WDR70: variants seen among roughly 807,000 people sequenced by gnomAD.
The protein encoded by WDR70 is WD repeat-containing protein 70.
Under a neutral mutation model 88.6 loss-of-function variants are expected in WDR70, and 53 were observed. The ratio of observed to expected loss-of-function variants is 0.60; its 90% CI spans 0.48 to 0.75. The LOEUF (loss-of-function observed/expected upper bound fraction) is 0.75, where lower values mean the gene tolerates loss of function less well. Among genes scored for constraint, WDR70 ranks in the 30% least tolerant of loss-of-function variants. The pLI, the probability that WDR70 is intolerant of heterozygous loss-of-function variation, is 0.00. For missense variants in WDR70, 610 were observed against 823.2 expected (o/e 0.74, Z 3.17); for synonymous variants, 280 against 270.0 (o/e 1.04, Z -0.36).
chr5:37,746,742 A>T lies in WDR70; in HGVS notation c.1878-5744A>T, dbSNP rs2973052. ...AGGAAAAAGTTGAATCCCTGAATAG[A>T]CCAATAACAAGTTCTGAAATTGAGG... On this transcript the variant is annotated intron_variant, in intron 17 of 17. Transcript: ENST00000265107. Among the ~76,000 whole-genome samples, 72 of 152,348 alleles carry T rather than the reference A, an allele frequency of 4.7e-4. No individual in the cohort carries two copies. In the East Asian group the frequency reaches 0.013, roughly 28 times the overall value.
intron 9 of WDR70, among the ~76,000 whole-genome samples, chr5:37,553,151 A>G (rs538182970): frequency 5.3e-5 from 8 of 152,312 alleles, no homozygotes; most frequent in Non-Finnish European, 8.8e-5. Context: ...TAAACTTGAT[A>G]GTTGGTGTGG....
At chr5:37,574,436 T>C (rs1263136123) in intron 9 of WDR70, among the ~76,000 whole-genome samples, 2 of 152,220 alleles carry the variant, frequency 1.3e-5, no homozygotes, top group African/African-American at 4.8e-5. Flanking sequence ...CTTACCTTAG[T>C]CATCACTTCT....
chr5:37,660,616 C>T (rs1447405492), intron 10 of WDR70, among the ~76,000 whole-genome samples: 1 of 152,084 alleles, frequency 6.6e-6, no homozygotes, highest in Non-Finnish European at 1.5e-5. Context: ...ATAGCTTCTG[C>T]AGGTTACTTT....
At chr5:37,628,277 T>A (rs992126412) in intron 10 of WDR70, among the ~76,000 whole-genome samples, 1 of 152,146 alleles carries the variant, frequency 6.6e-6, no homozygotes, top group Non-Finnish European at 1.5e-5. Context: ...ACATGACCTT[T>A]CCAGTGCTGA....
intron 5 of WDR70, among the ~76,000 whole-genome samples, chr5:37,422,470 T>A (rs951769516): frequency 2.0e-5 from 3 of 151,778 alleles, no homozygotes; most frequent in Admixed American, 2.0e-4. Flanking sequence ...TTTTTTGTTT[T>A]ATTTTATTTA....
intron 9 of WDR70, among the ~76,000 whole-genome samples, chr5:37,542,078 A>G (rs1741835807): frequency 6.6e-6 from 1 of 152,200 alleles, no homozygotes; most frequent in South Asian, 2.1e-4. Context: ...AGATGGACTT[A>G]CTGAAGAATA....
intron 9 of WDR70, among the ~76,000 whole-genome samples, chr5:37,569,914 C>T (rs1238875442): frequency 2.0e-5 from 3 of 152,018 alleles, no homozygotes; most frequent in Non-Finnish European, 4.4e-5. Flanking sequence ...GTAGAAAGAC[C>T]TAAAGGCAAG....
intron 17 of WDR70, among the ~76,000 whole-genome samples, chr5:37,745,509 T>C (rs1003423507): frequency 3.3e-5 from 5 of 151,700 alleles, no homozygotes; most frequent in Admixed American, 3.3e-4. Context: ...TAAGACCCAT[T>C]GGTGTGCTGT....
intron 5 of WDR70, among the ~76,000 whole-genome samples, chr5:37,400,266 C>A (rs1363629978): frequency 1.3e-5 from 2 of 152,046 alleles, no homozygotes; most frequent in Non-Finnish European, 2.9e-5. Context: ...ATAAGTAATA[C>A]AAATATGTTA....
In WDR70 at chr5:37,689,652, G is replaced by C. The variant is rs1407597273; in HGVS notation, c.1093-8003G>C. On this transcript the variant is annotated intron_variant, in intron 10 of 17. Coordinates refer to ENST00000265107, the MANE Select transcript of WDR70 (RefSeq NM_018034.4). ...TAAAAGGAAAACTAACAAACAGAAA[G>C]GAATAGCATCAACATAAACAAAAAG... Among the ~76,000 whole-genome samples, 10 of 152,100 alleles carry C rather than the reference G, an allele frequency of 6.6e-5. No homozygotes were observed. In the East Asian group the frequency reaches 1.7e-3, roughly 26 times the overall value.
chr5:37,461,636 A>G (rs1248683386), intron 7 of WDR70, among the ~76,000 whole-genome samples: 2 of 151,870 alleles, frequency 1.3e-5, no homozygotes, highest in African/African-American at 4.8e-5. Context: ...GGTGCCCACC[A>G]CCACACCCGG....
intron 10 of WDR70, among the ~76,000 whole-genome samples, chr5:37,665,563 G>A (rs1745815616): frequency 6.6e-6 from 1 of 152,184 alleles, no homozygotes. Context: ...ACCCCCAAAA[G>A]TCTCTAAGAA....
intron 9 of WDR70, among the ~76,000 whole-genome samples, chr5:37,529,334 G>C (rs1741409929): frequency 6.6e-6 from 1 of 151,664 alleles, no homozygotes; most frequent in African/African-American, 2.4e-5. Flanking sequence ...GAATTTTGAG[G>C]TTGTTTTTTC....
At chr5:37,512,581 G>T (rs1050783748) in intron 8 of WDR70, among the ~76,000 whole-genome samples, 2 of 140,940 alleles carry the variant, frequency 1.4e-5, no homozygotes, top group Non-Finnish European at 3.1e-5. Flanking sequence ...ATTGCATCTA[G>T]AATTTTTTTT....
chr5:37,716,248 T>G (rs1443353456), intron 13 of WDR70, among the ~76,000 whole-genome samples: 3 of 152,358 alleles, frequency 2.0e-5, no homozygotes, highest in Admixed American at 6.5e-5. Flanking sequence ...GGCTGTTGGC[T>G]TTCTTTTAGC....
chr5:37,502,806 C>T (rs1460893918), intron 8 of WDR70, among the ~76,000 whole-genome samples: 3 of 151,944 alleles, frequency 2.0e-5, no homozygotes, highest in Admixed American at 6.6e-5. Context: ...GAAGCAGAAG[C>T]GAGAGAGAGA....
At chr5:37,496,863 A>T (rs1239764721) in intron 8 of WDR70, among the ~76,000 whole-genome samples, 1 of 152,200 alleles carries the variant, frequency 6.6e-6, no homozygotes, top group African/African-American at 2.4e-5. Context: ...CAGGCTATGC[A>T]TTGGATTAAG....
intron 10 of WDR70, among the ~76,000 whole-genome samples, chr5:37,652,437 C>G (rs1359994710): frequency 6.6e-6 from 1 of 152,080 alleles, no homozygotes; most frequent in African/African-American, 2.4e-5. Flanking sequence ...TTTTTTGGTT[C>G]CATATGAAAT....
chr5:37,712,868 A>G (rs1421791132), intron 13 of WDR70, among the ~76,000 whole-genome samples: 2 of 149,790 alleles, frequency 1.3e-5, no homozygotes, highest in African/African-American at 4.9e-5. Context: ...TGCCCAGCTA[A>G]TTTTTTTTTT....
Sources: gnomAD v4.1 joint callset for allele counts (sites outside exome capture counted in the v4.1 genomes callset) on GRCh38, gnomAD v4.1.1 for gene constraint, MANE v1.5 for transcripts, NCBI Gene and HGNC (gene_info 2026-07-23, HGNC 2026-07-21) for gene names.